The following ATOSA variants were observed in gnomAD, a reference collection of about 807,000 sequenced individuals.
ATOSA encodes atos homolog A.
chr15:52,638,626 G>A, the ATOSA span, among the ~76,000 whole-genome samples: 254 of 150,930 alleles, frequency 1.7e-3, 1 homozygote, highest in African/African-American at 5.9e-3. Flanking sequence ...ACTTGAACCC[G>A]GGAGGCGGAG....
the ATOSA span, among the ~76,000 whole-genome samples, chr15:52,660,995 T>C: frequency 6.6e-6 from 1 of 152,222 alleles, no homozygotes; most frequent in Non-Finnish European, 1.5e-5. Context: ...TTATCTCATT[T>C]CCTCATTACA....
the ATOSA span, chr15:52,656,180 C>A: frequency 6.6e-6 from 1 of 151,816 alleles, no homozygotes; most frequent in African/African-American, 2.4e-5. Context: ...CATTTAACAG[C>A]TGAATAATTT....
the ATOSA span, among the ~76,000 whole-genome samples, chr15:52,675,111 C>T: frequency 6.6e-6 from 1 of 152,134 alleles, no homozygotes; most frequent in Non-Finnish European, 1.5e-5. Flanking sequence ...TAAGACTCAT[C>T]TTTGGCAGTG....
chr15:52,646,462 T>G, the ATOSA span, among the ~76,000 whole-genome samples: 3 of 152,220 alleles, frequency 2.0e-5, no homozygotes, highest in Non-Finnish European at 4.4e-5. Context: ...CTGTAGGTTC[T>G]GAAGACCTGA....
chr15:52,634,185 C>CA, the ATOSA span, among the ~76,000 whole-genome samples: 1 of 152,146 alleles, frequency 6.6e-6, no homozygotes, highest in African/African-American at 2.4e-5. Flanking sequence ...GTAATCCCAG[C>CA]ACTTTGGGAG....
chr15:52,604,856 A>C, the ATOSA span, among the ~76,000 whole-genome samples: 4 of 152,164 alleles, frequency 2.6e-5, no homozygotes, highest in Non-Finnish European at 4.4e-5. Flanking sequence ...AATCCACTTG[A>C]TGGTTTTTGT....
At chr15:52,706,784 G>A in the ATOSA span, among the ~76,000 whole-genome samples, 4 of 152,282 alleles carry the variant, frequency 2.6e-5, no homozygotes, top group African/African-American at 7.2e-5. Context: ...AAAACATCAT[G>A]CCAAGTACAA....
chr15:52,675,465 G>A, the ATOSA span, among the ~76,000 whole-genome samples: 2 of 152,262 alleles, frequency 1.3e-5, no homozygotes, highest in South Asian at 2.1e-4. Flanking sequence ...ACGATAAGAG[G>A]CTATTGTATT....
chr15:52,707,836 T>C, the ATOSA span, among the ~76,000 whole-genome samples: 1 of 152,118 alleles, frequency 6.6e-6, no homozygotes, highest in Non-Finnish European at 1.5e-5. Flanking sequence ...AAAAGTTTAA[T>C]AAAAGTATGT....
At chr15:52,601,560 G>A in the ATOSA span, among the ~76,000 whole-genome samples, 1 of 148,766 alleles carries the variant, frequency 6.7e-6, no homozygotes, top group African/African-American at 2.5e-5. Flanking sequence ...ACCGAATAGA[G>A]ATAGGAGCCT....
At chr15:52,656,677 T>C in the ATOSA span, 5 of 152,058 alleles carry the variant, frequency 3.3e-5, no homozygotes, top group Admixed American at 1.3e-4. Context: ...TGAGCTAGAA[T>C]GGGGGTTATT....
the ATOSA span, among the ~76,000 whole-genome samples, chr15:52,599,587 TAC>T: frequency 3.3e-5 from 5 of 152,184 alleles, no homozygotes; most frequent in African/African-American, 4.8e-5. Context: ...GATTTCTAAT[TAC>T]AGACAATTGA....
At chr15:52,610,221 AG>A in the ATOSA span, 1 of 1,614,020 alleles carries the variant, frequency 6.2e-7, no homozygotes, top group Non-Finnish European at 8.5e-7. Flanking sequence ...GGCCAATATT[AG>A]TGTGAATACT....
At chr15:52,611,733 C>A in the ATOSA span, 1 of 1,614,002 alleles carries the variant, frequency 6.2e-7, no homozygotes, top group Non-Finnish European at 8.5e-7. Context: ...GGTTATTCTT[C>A]CACAACAATG....
chr15:52,654,949 A>G, the ATOSA span, among the ~76,000 whole-genome samples: 6 of 152,048 alleles, frequency 3.9e-5, no homozygotes, highest in Non-Finnish European at 5.9e-5. Context: ...TGTATCATAT[A>G]TATATATTAA....
chr15:52,651,781 G>A, the ATOSA span: 1 of 1,266,162 alleles, frequency 7.9e-7, no homozygotes, highest in Non-Finnish European at 1.1e-6. Flanking sequence ...AAAAATCCAT[G>A]CAAAGCAAGC....
chr15:52,614,498 G>C, the ATOSA span, among the ~76,000 whole-genome samples: 1 of 151,878 alleles, frequency 6.6e-6, no homozygotes, highest in Non-Finnish European at 1.5e-5. Flanking sequence ...CAGAGAGTAA[G>C]ACAAAAACAA....
chr15:52,702,463 T>A, the ATOSA span, among the ~76,000 whole-genome samples: 1 of 152,134 alleles, frequency 6.6e-6, no homozygotes, highest in African/African-American at 2.4e-5. Context: ...TGCAGCAACA[T>A]GGATGCAGCT....
At chr15:52,664,723 G>A in the ATOSA span, among the ~76,000 whole-genome samples, 1 of 152,192 alleles carries the variant, frequency 6.6e-6, no homozygotes, top group Admixed American at 6.5e-5. Flanking sequence ...CAGGAGGACT[G>A]CTCAAGGACA....
Sources: allele counts gnomAD v4.1 joint callset (sites outside exome capture counted in the v4.1 genomes callset), GRCh38; gene constraint gnomAD v4.1.1; transcripts MANE v1.5; gene names NCBI Gene and HGNC (gene_info 2026-07-23, HGNC 2026-07-21).